Variants in ORC5 observed in about 807,000 individuals in gnomAD.
ORC5 encodes the protein protein phosphatase 1, regulatory subunit 117.
In ORC5, 39 loss-of-function variants were observed where a neutral mutation model predicts 58.8. That is an observed-to-expected ratio of 0.66 (90% CI 0.51 to 0.87). ORC5 has a LOEUF of 0.87. ORC5 is among the 40% of genes least tolerant of loss of function. ORC5 has a pLI of 0.00. For missense variants in ORC5, 493 were observed against 506.3 expected (o/e 0.97, Z 0.25); for synonymous variants, 218 against 177.6 (o/e 1.23, Z -1.81).
chr7:104,156,846 CAA>C (rs1331096702), intron 12 of ORC5, among the ~76,000 whole-genome samples: 1 of 151,740 alleles, frequency 6.6e-6, no homozygotes, highest in Non-Finnish European at 1.5e-5. Context: ...CATTTTTCAG[CAA>C]GTTTATTTCC....
chr7:104,193,239 G>A (rs1050105406), intron 5 of ORC5, among the ~76,000 whole-genome samples: 1 of 151,864 alleles, frequency 6.6e-6, no homozygotes, highest in Admixed American at 6.6e-5. Flanking sequence ...TAATAGTTGA[G>A]GTTTTATAAT....
intron 12 of ORC5, among the ~76,000 whole-genome samples, chr7:104,151,071 C>T (rs1350567500): frequency 6.6e-6 from 1 of 151,960 alleles, no homozygotes; most frequent in Non-Finnish European, 1.5e-5. Context: ...AGTGTGTTTT[C>T]AGAGAGGAAA....
intron 12 of ORC5, among the ~76,000 whole-genome samples, chr7:104,148,903 G>T (rs948082917): frequency 1.3e-5 from 2 of 151,922 alleles, no homozygotes; most frequent in South Asian, 4.2e-4. Flanking sequence ...GTGTGGTGGC[G>T]CATGCCTGTA....
At chr7:104,157,000 G>A (rs547056168) in intron 12 of ORC5, among the ~76,000 whole-genome samples, 3 of 151,908 alleles carry the variant, frequency 2.0e-5, no homozygotes, top group African/African-American at 7.2e-5. Context: ...TAAGCACTTT[G>A]AAAACAAACG....
rs752138068 is a variant in ORC5, at chr7:104,126,910, A to G, written c.1263-17T>C. 12 of 1,569,984 alleles carry G rather than the reference A, an allele frequency of 7.6e-6. No homozygotes were observed. The highest frequency in any genetic ancestry group is 2.7e-5 in the African/African-American group (2 of 73,982). ...TTCACCGTCCTAAAAACAAAAACAG[A>G]TAATATGTTAGCATTCTCACCCCTA... On this transcript the variant is annotated splice_polypyrimidine_tract_variant and intron_variant, in intron 13 of 13. Transcript: ENST00000297431.
In ORC5 at chr7:104,134,187, C is replaced by T. The variant is rs1055131132; in HGVS notation, c.1262+2594G>A. Among the ~76,000 whole-genome samples, 6 of 151,792 alleles carry T rather than the reference C, an allele frequency of 4.0e-5. No homozygotes were observed. In the East Asian group the frequency reaches 5.8e-4, roughly 15 times the overall value. On this transcript the variant is annotated intron_variant, in intron 13 of 13. Transcript: ENST00000297431. ...CTGTAATCCCAGGCCTTTGGGAGGC[C>T]GATGCAGGCAGATCAACTTGAGGTC...
At chr7:104,197,607 C>A in intron 4 of ORC5, 118 bp downstream of exon 4, 1 of 610,026 alleles carries the variant, frequency 1.6e-6, no homozygotes, top group South Asian at 2.3e-5. Context: ...AAAAGAAATG[C>A]AAACTAAAAT....
At chr7:104,144,584 C>T (rs1292545486) in intron 12 of ORC5, among the ~76,000 whole-genome samples, 1 of 152,088 alleles carries the variant, frequency 6.6e-6, no homozygotes, top group African/African-American at 2.4e-5. Context: ...GGCAAAAACC[C>T]GTCTTTACTA....
chr7:104,160,474 A>T (rs769332437), intron 12 of ORC5, among the ~76,000 whole-genome samples: 3 of 152,120 alleles, frequency 2.0e-5, no homozygotes, highest in Admixed American at 6.5e-5. Context: ...TTTCTGGACC[A>T]TTTAAGAAAT....
chr7:104,159,626 C>G (rs1798991154), intron 12 of ORC5, among the ~76,000 whole-genome samples: 1 of 151,896 alleles, frequency 6.6e-6, no homozygotes, highest in South Asian at 2.1e-4. Flanking sequence ...GCCCCTCACA[C>G]AGGTAATTTG....
chr7:104,186,144 A>T (rs1799538104), intron 6 of ORC5, among the ~76,000 whole-genome samples: 1 of 152,304 alleles, frequency 6.6e-6, no homozygotes, highest in South Asian at 2.1e-4. Flanking sequence ...AATTTGGCTA[A>T]TCAAAATAAA....
At chr7:104,173,091 C>T (rs76501964) in intron 8 of ORC5, among the ~76,000 whole-genome samples, 3,149 of 151,810 alleles carry the variant, frequency 0.021, 88 homozygotes, top group African/African-American at 0.072. Flanking sequence ...AGTGTTATCA[C>T]GGATAATGCT....
intron 6 of ORC5, among the ~76,000 whole-genome samples, chr7:104,186,129 T>C (rs1799537809): frequency 6.6e-6 from 1 of 152,048 alleles, no homozygotes; most frequent in African/African-American, 2.4e-5. Flanking sequence ...CAGCAACTGG[T>C]ACACAATTTG....
chr7:104,166,865 A>C lies in ORC5; in HGVS notation c.897T>G (p.His299Gln), dbSNP rs187761716. The C allele has an allele frequency of 7.5e-6, 12 of 1,606,930 alleles. No individual in the cohort carries two copies. The Admixed American group carries it at 1.7e-4, about 22-fold the overall frequency. The change falls in exon 10 of 14, where the codon CAT becomes CAG. Residue 299 changes from histidine (H) to glutamine (Q), a missense_variant. Coordinates refer to ENST00000297431, the MANE Select transcript of ORC5 (RefSeq NM_002553.4). Reference protein sequence around the residue: ...GQLKGLSAHTHVELPYYSKFI... With the variant: ...GQLKGLSAHTQVELPYYSKFI... ...ACTTAGAGTAATATGGAAGTTCCAC[A>C]TGAGTATGCGCTGAGAGGCCTATAT...
At chr7:104,178,904 T>C (rs1191384032) in intron 8 of ORC5, among the ~76,000 whole-genome samples, 1 of 150,848 alleles carries the variant, frequency 6.6e-6, no homozygotes, top group Non-Finnish European at 1.5e-5. Context: ...ATGAGAATTC[T>C]TACAAAGCCA....
intron 1 of ORC5, among the ~76,000 whole-genome samples, chr7:104,205,564 T>C (rs1287061362): frequency 6.6e-6 from 1 of 152,152 alleles, no homozygotes; most frequent in Non-Finnish European, 1.5e-5. Context: ...GGAACTCAGA[T>C]TTACGCAGGA....
At chr7:104,165,378 T>A in intron 10 of ORC5, 96 bp from the exon 11 acceptor site, 1 of 668,972 alleles carries the variant, frequency 1.5e-6, no homozygotes, top group South Asian at 1.8e-5. Context: ...ATAATACTAA[T>A]CTGTATATCT....
At chr7:104,157,259 T>G (rs1798941971) in intron 12 of ORC5, among the ~76,000 whole-genome samples, 1 of 151,970 alleles carries the variant, frequency 6.6e-6, no homozygotes, top group African/African-American at 2.4e-5. Context: ...GATACTTTAC[T>G]GACCAAGCAA....
intron 12 of ORC5, among the ~76,000 whole-genome samples, chr7:104,154,486 A>G (rs1798892877): frequency 6.6e-6 from 1 of 152,040 alleles, no homozygotes; most frequent in African/African-American, 2.4e-5. Context: ...TCTTCACAGT[A>G]AATACATATA....
Sources: gnomAD v4.1 joint callset for allele counts (sites outside exome capture counted in the v4.1 genomes callset) on GRCh38, gnomAD v4.1.1 for gene constraint, MANE v1.5 for transcripts, NCBI Gene and HGNC (gene_info 2026-07-23, HGNC 2026-07-21) for gene names.